The following PTPRF variants were observed in gnomAD, a reference collection of about 807,000 sequenced individuals.
The protein encoded by PTPRF is receptor-type tyrosine-protein phosphatase F.
A neutral mutation model predicts 201.8 loss-of-function variants in PTPRF; 59 were observed. That is an observed-to-expected ratio of 0.29 (90% CI 0.24 to 0.36). The LOEUF is 0.36. Among genes scored for constraint, PTPRF ranks in the 10% least tolerant of loss-of-function variants. The pLI is 1.00. For missense variants in PTPRF, 2,132 were observed against 2,690.5 expected (o/e 0.79, Z 4.59); for synonymous variants, 1,088 against 1,089.7 (o/e 1.00, Z 0.03).
At chr1:43,527,736 G>A (rs544617285), upstream of PTPRF, among the ~76,000 whole-genome samples, 223 of 152,282 alleles carry the variant, frequency 1.5e-3, 1 homozygote, top group Middle Eastern at 0.01. Context: ...GGGGCAGAGG[G>A]AACAGGGCTG....
At chr1:43,526,100 G>A (rs180836338), upstream of PTPRF, among the ~76,000 whole-genome samples, 13 of 152,254 alleles carry the variant, frequency 8.5e-5, 1 homozygote, top group East Asian at 9.7e-4. Context: ...GCCTGGAGGC[G>A]CCGGAGCACC....
intron 5 of PTPRF, among the ~76,000 whole-genome samples, chr1:43,559,904 T>C (rs974836016): frequency 2.0e-5 from 3 of 150,116 alleles, no homozygotes; most frequent in South Asian, 4.2e-4. Context: ...TGTGTGTGTG[T>C]GTGCGCGCGT....
In PTPRF at chr1:43,603,289, C is replaced by CA. The variant is rs1654230205; in HGVS notation, c.2341-126dup. 1.2e-6 allele frequency: 1 copy of CA among 809,106 alleles called. No homozygotes were observed. 50.1% of individuals were successfully genotyped at this position (809,106 alleles called of 1,614,324 possible). On this transcript the variant is annotated intron_variant, in intron 14 of 33. Coordinates refer to ENST00000359947, the MANE Select transcript of PTPRF (RefSeq NM_002840.5). The surrounding 1 kb of genome is among the most constrained non-coding windows in gnomAD (Gnocchi z 5.8). Reference sequence around the variant, plus strand: ...AGCAGAGGCCACCATTGTATAGCCCCACCTTCCACAACCCCTGGCCTTGTG... The same window carrying CA: ...AGCAGAGGCCACCATTGTATAGCCCCAACCTTCCACAACCCCTGGCCTTGTG...
intron 11 of PTPRF, among the ~76,000 whole-genome samples, chr1:43,595,078 G>A (rs1038263316): frequency 6.6e-6 from 1 of 152,204 alleles, no homozygotes; most frequent in African/African-American, 2.4e-5. Flanking sequence ...GTTTCATGAG[G>A]CCTGTGTGGG....
chr1:43,604,100 C>T lies in PTPRF; in HGVS notation c.2948C>T (p.Thr983Ile). ...CTTACTGGCCTCAAGCCAGACACCA[C>T]TTACGACATCAAGGTCCGCGCATGG... ...FTLTGLKPDT[T>I]YDIKVRAWTS... The change falls in exon 16 of 34, where the codon ACT becomes ATT. Residue 983 changes from threonine (T) to isoleucine (I), a missense_variant. Thr to Ile is a moderately conservative substitution (Grantham distance 89). Transcript: ENST00000359947. The T allele has an allele frequency of 6.2e-7, 1 of 1,614,252 alleles. No individual in the cohort carries two copies. Among genetic ancestry groups the T allele is most frequent in the Non-Finnish European group, 8.5e-7 (1 of 1,180,062 alleles).
chr1:43,565,962 A>T (rs968050958), intron 5 of PTPRF, among the ~76,000 whole-genome samples: 1 of 152,196 alleles, frequency 6.6e-6, no homozygotes, highest in Non-Finnish European at 1.5e-5. Flanking sequence ...CGGCGCCAAC[A>T]GGAGGCGATT....
intron 7 of PTPRF, chr1:43,579,325 T>C (rs535904406): frequency 1.3e-4 from 54 of 416,554 alleles, no homozygotes; most frequent in African/African-American, 1.0e-3. Flanking sequence ...CAGTACATCC[T>C]CCTGCCTGCC....
At chr1:43,618,128 A>G (rs1174168477) in intron 25 of PTPRF, among the ~76,000 whole-genome samples, 1 of 152,170 alleles carries the variant, frequency 6.6e-6, no homozygotes, top group Non-Finnish European at 1.5e-5. Flanking sequence ...AGATGTTAAT[A>G]TGTTTCACCA....
chr1:43,619,311 G>A lies in PTPRF; in HGVS notation c.4670G>A (p.Cys1557Tyr), dbSNP rs1658628775. The change falls in exon 28 of 34, where the codon TGC becomes TAC. Residue 1557 changes from cysteine (C) to tyrosine (Y), a missense_variant. This residue lies in a region of PTPRF where 519 missense variants were observed against 659.5 expected (regional missense o/e 0.79). Coordinates refer to ENST00000359947, the MANE Select transcript of PTPRF (RefSeq NM_002840.5). The part of the protein sequence containing the change: ...HCSAGVGRTG[C>Y]FIVIDAMLER... ...AGCGCGGGCGTGGGCCGCACCGGCT[G>A]CTTCATCGTGATTGATGCCATGTTG... The A allele has an allele frequency of 1.2e-6, 2 of 1,613,488 alleles. No homozygotes were observed. Among genetic ancestry groups the A allele is most frequent in the Non-Finnish European group, 1.7e-6 (2 of 1,180,022 alleles).
At chr1:43,609,188 C>G (rs901386425) in intron 21 of PTPRF, among the ~76,000 whole-genome samples, 195 bp from the exon 22 acceptor site, 11 of 152,184 alleles carry the variant, frequency 7.2e-5, no homozygotes, top group Admixed American at 1.3e-4. Context: ...CTCCCTACCC[C>G]CTCCCTGCCC....
chr1:43,602,038 CTG>C, intron 13 of PTPRF, 31 bp from the exon 14 acceptor site: 1 of 1,606,880 alleles, frequency 6.2e-7, no homozygotes, highest in South Asian at 1.1e-5. Context: ...CTTCACCATC[CTG>C]TCTCCCTTTC....
intron 20 of PTPRF, 104 bp from the exon 21 acceptor site, chr1:43,606,709 GC>G: frequency 1.4e-6 from 2 of 1,471,838 alleles, no homozygotes; most frequent in South Asian, 1.3e-5. Context: ...GGGAGACCAG[GC>G]CCAGGGTAAC....
chr1:43,618,761 C>T lies in PTPRF; in HGVS notation c.4491+12C>T, dbSNP rs150111222. On this transcript the variant is annotated intron_variant, in intron 26 of 33. Transcript: ENST00000359947. Reference sequence around the variant, plus strand: ...TCGCACTCCACAAGGTATAGCCTTTCCCCAGTGCATATCTCTTACCCAGAC... The same window carrying T: ...TCGCACTCCACAAGGTATAGCCTTTTCCCAGTGCATATCTCTTACCCAGAC... 7,348 of 1,592,068 alleles carry T rather than the reference C, an allele frequency of 4.6e-3. 48 individuals carry two copies. Among genetic ancestry groups the T allele is most frequent in the Middle Eastern group, 0.023 (138 of 6,000 alleles).
chr1:43,575,378 G>C (rs1646853441), intron 6 of PTPRF, among the ~76,000 whole-genome samples: 1 of 152,142 alleles, frequency 6.6e-6, no homozygotes, highest in Admixed American at 6.5e-5. Flanking sequence ...TGAGTTTGCT[G>C]AGTCCTGCTG....
In PTPRF at chr1:43,619,176, C is replaced by A; in HGVS notation, c.4620C>A (p.Asp1540Glu). The change falls in exon 27 of 34, where the codon GAC becomes GAA. Residue 1540 changes from aspartate (D) to glutamate (E), a missense_variant. Asp to Glu is a conservative substitution (Grantham distance 45). Coordinates refer to ENST00000359947, the MANE Select transcript of PTPRF (RefSeq NM_002840.5). ...GGGTCAAGGCCTGCAACCCCCTAGA[C>A]GCAGGGCCCATGGTGGTGCACTGCA... is the stretch of plus-strand genomic sequence containing the variant. ...LRRVKACNPLDAGPMVVHCSA... is the reference protein window; with the variant it reads ...LRRVKACNPLEAGPMVVHCSA... 1 of 1,610,238 alleles carries A rather than the reference C, an allele frequency of 6.2e-7. No homozygotes were observed. Among genetic ancestry groups the A allele is most frequent in the Non-Finnish European group, 8.5e-7 (1 of 1,178,562 alleles).
intron 25 of PTPRF, 140 bp from the exon 26 acceptor site, chr1:43,618,490 G>T (rs1169966190): frequency 9.9e-7 from 1 of 1,010,528 alleles, no homozygotes; most frequent in East Asian, 2.4e-5. Context: ...GAGGACAGGG[G>T]GCAATGGATC....
At chr1:43,615,728 G>A (rs971649717) in intron 23 of PTPRF, among the ~76,000 whole-genome samples, 17 of 151,626 alleles carry the variant, frequency 1.1e-4, no homozygotes, top group Non-Finnish European at 2.2e-4. Flanking sequence ...TACCACACCC[G>A]GCTAATTTTT....
chr1:43,597,678 G>A (rs1483342163), intron 11 of PTPRF, 70 bp from the exon 12 acceptor site: 11 of 1,135,076 alleles, frequency 9.7e-6, no homozygotes, highest in Non-Finnish European at 6.4e-6. Context: ...CCAGTCCACT[G>A]TGACTCAGTC....
At chr1:43,616,751 CAGAG>C (rs1359614514) in intron 23 of PTPRF, among the ~76,000 whole-genome samples, 3 of 152,052 alleles carry the variant, frequency 2.0e-5, no homozygotes. Context: ...GTGGAGGTGT[CAGAG>C]AGGCTGCTGG....
Sources: allele counts gnomAD v4.1 joint callset (sites outside exome capture counted in the v4.1 genomes callset), GRCh38; gene constraint gnomAD v4.1.1; regional missense constraint gnomAD v4.1.1; non-coding constraint Gnocchi (gnomAD v3.1); transcripts MANE v1.5; gene names NCBI Gene and HGNC (gene_info 2026-07-23, HGNC 2026-07-21).